The following C2CD5 variants were observed in gnomAD, a reference collection of about 807,000 sequenced individuals.
C2CD5 encodes C2 calcium dependent domain containing 5, also known as C2 domain-containing protein 5.
C2CD5 carries 109 observed loss-of-function variants against 130.3 expected under a neutral mutation model. The ratio of observed to expected loss-of-function variants is 0.84; its 90% CI spans 0.72 to 0.98. The LOEUF is 0.98. C2CD5 is among the 50% of genes least tolerant of loss of function. The pLI is 0.00. For missense variants in C2CD5, 996 were observed against 1,261.8 expected (o/e 0.79, Z 3.19); for synonymous variants, 454 against 429.2 (o/e 1.06, Z -0.71).
intron 22 of C2CD5, among the ~76,000 whole-genome samples, chr12:22,468,054 C>T (rs771261456): frequency 3.4e-5 from 5 of 147,006 alleles, no homozygotes; most frequent in South Asian, 2.1e-4. Context: ...AAACCTTTGT[C>T]GATTAGGTTT....
intron 16 of C2CD5, among the ~76,000 whole-genome samples, chr12:22,473,617 C>T (rs1172100376): frequency 6.6e-6 from 1 of 152,090 alleles, no homozygotes; most frequent in Non-Finnish European, 1.5e-5. Flanking sequence ...GCCAGGATCC[C>T]AAGATCAGAC....
At chr12:22,473,945 T>C (rs990443305) in intron 16 of C2CD5, among the ~76,000 whole-genome samples, 2 of 152,098 alleles carry the variant, frequency 1.3e-5, no homozygotes, top group African/African-American at 4.8e-5. Context: ...ACCATATAAG[T>C]TGAGTTTTCT....
At chr12:22,450,084 G>A (rs1031801125) in intron 26 of C2CD5, among the ~76,000 whole-genome samples, 193 bp from the exon 27 acceptor site, 1 of 152,104 alleles carries the variant, frequency 6.6e-6, no homozygotes, top group Admixed American at 6.6e-5. Flanking sequence ...AGGAGCTCCT[G>A]TGAACATATG....
intron 12 of C2CD5, among the ~76,000 whole-genome samples, chr12:22,489,608 G>C (rs1946075272): frequency 6.6e-6 from 1 of 152,068 alleles, no homozygotes; most frequent in African/African-American, 2.4e-5. Flanking sequence ...TAAGGGACTT[G>C]AGCATCTGCA....
rs1047587662 is a variant in C2CD5 at position 22,485,360 on chromosome 12, A to G, written c.1359-472T>C. ...TGGGGATGGCTAATGGGTACAAAAA[A>G]ATAGAAAGAATGAATAAGACCTAGC... On this transcript the variant is annotated intron_variant, in intron 12 of 26. Coordinates refer to ENST00000446597, the MANE Select transcript of C2CD5 (RefSeq NM_001286176.2). Among the ~76,000 whole-genome samples, 13 of 152,030 alleles carry G rather than the reference A, an allele frequency of 8.6e-5. No individual in the cohort carries two copies. The East Asian group carries it at 1.2e-3, about 14-fold the overall frequency.
In C2CD5 at chr12:22,513,344, GC is replaced by G; in HGVS notation, c.987del (p.Phe331LeufsTer5). 1 of 1,612,206 alleles carries G rather than the reference GC, an allele frequency of 6.2e-7. No individual in the cohort carries two copies. The highest frequency in any genetic ancestry group is 8.5e-7 in the Non-Finnish European group (1 of 1,178,554). On this transcript the variant is annotated frameshift_variant, in exon 9 of 27. Transcript: ENST00000446597. LOFTEE classifies it high-confidence loss of function. ...TGTTGTCTTAAAAGAGCTTTAAAGG[GC>G]CCCCCTTCTTTTCCAGCACTACCAC... is the stretch of plus-strand genomic sequence containing the variant. ...MGSGSAGKEG[G>X]PFKALLRQQT...
intron 7 of C2CD5, among the ~76,000 whole-genome samples, chr12:22,519,517 G>A (rs1408491926): frequency 6.6e-6 from 1 of 151,866 alleles, no homozygotes; most frequent in Non-Finnish European, 1.5e-5. Context: ...AATTAAATGA[G>A]AACAAGACTA....
intron 10 of C2CD5, among the ~76,000 whole-genome samples, chr12:22,497,097 G>C (rs1012578106): frequency 3.9e-5 from 6 of 151,968 alleles, no homozygotes; most frequent in African/African-American, 1.4e-4. Flanking sequence ...TCATACACTT[G>C]GCAATTAAGA....
At chr12:22,512,722 GA>G in intron 9 of C2CD5, 1 of 1,374,292 alleles carries the variant, frequency 7.3e-7, no homozygotes, top group Non-Finnish European at 9.7e-7. Flanking sequence ...GAGAGAGAGA[GA>G]AATCATCCAA....
In C2CD5 at chr12:22,493,340, G is replaced by A. The variant is rs1488884124; in HGVS notation, c.1148-3C>T. 1 of 1,563,698 alleles carries A rather than the reference G, an allele frequency of 6.4e-7. No individual in the cohort carries two copies. The highest frequency in any genetic ancestry group is 1.7e-5 in the Admixed American group (1 of 59,602). ...TGCATCTCGAGTTTCTGGTTCATCT[G>A]AAAAATAAATTTTAAATCAGTTTAT... On this transcript the variant is annotated splice_polypyrimidine_tract_variant and splice_region_variant and intron_variant, in intron 10 of 26. Transcript: ENST00000446597.
At chr12:22,471,254 C>A in intron 20 of C2CD5, 145 bp downstream of exon 20, 1 of 602,128 alleles carries the variant, frequency 1.7e-6, no homozygotes, top group South Asian at 2.3e-5. Flanking sequence ...ACACACATGG[C>A]CTAATGCATA....
chr12:22,539,992 CAAAAAAAA>C (rs59902224), intron 2 of C2CD5, among the ~76,000 whole-genome samples: 13 of 90,780 alleles, frequency 1.4e-4, no homozygotes, highest in Middle Eastern at 6.3e-3. Flanking sequence ...AGCTCCGTCT[CAAAAAAAA>C]AAAAAAAAAA....
chr12:22,515,130 T>C (rs949266730), intron 8 of C2CD5: 6 of 985,074 alleles, frequency 6.1e-6, no homozygotes, highest in Non-Finnish European at 7.2e-6. Context: ...AGGTAAATCC[T>C]AGGTCCCTGT....
intron 10 of C2CD5, among the ~76,000 whole-genome samples, chr12:22,495,616 C>A (rs1359013568): frequency 6.7e-6 from 1 of 150,314 alleles, no homozygotes; most frequent in African/African-American, 2.4e-5. Flanking sequence ...ATTCTTCTGA[C>A]AAATTCACAA....
At chr12:22,471,331 G>T in intron 20 of C2CD5, 68 bp downstream of exon 20, 1 of 874,070 alleles carries the variant, frequency 1.1e-6, no homozygotes, top group Non-Finnish European at 1.8e-6. Context: ...GCAAAATTAT[G>T]ATAAACAGAT....
chr12:22,458,226 T>A (rs1287218757), intron 24 of C2CD5, among the ~76,000 whole-genome samples: 1 of 152,188 alleles, frequency 6.6e-6, no homozygotes, highest in Non-Finnish European at 1.5e-5. Context: ...TAGAATGATA[T>A]AATATCTATT....
At chr12:22,458,861 T>C in intron 23 of C2CD5, 2 of 237,756 alleles carry the variant, frequency 8.4e-6, no homozygotes, top group East Asian at 1.6e-4. Context: ...AACATAAATA[T>C]CAATGAAAGG....
At chr12:22,502,168 T>C (rs1215473394) in intron 10 of C2CD5, among the ~76,000 whole-genome samples, 1 of 152,104 alleles carries the variant, frequency 6.6e-6, no homozygotes, top group East Asian at 1.9e-4. Context: ...TTAAAAATTA[T>C]ATTCACATGT....
At position 22,524,455 on chromosome 12, in the gene C2CD5, T is replaced by G. The variant is rs950747240; in HGVS notation, c.601+17A>C. ...AGTACTAAATCAGTCAGTAATAAAG[T>G]TATTTTTTTTAAATACCTGACATTA... is the stretch of plus-strand genomic sequence containing the variant. On this transcript the variant is annotated intron_variant, in intron 6 of 26. Coordinates refer to ENST00000446597, the MANE Select transcript of C2CD5 (RefSeq NM_001286176.2). The G allele has an allele frequency of 1.2e-6, 2 of 1,609,444 alleles. No homozygotes were observed. Among genetic ancestry groups the G allele is most frequent in the Non-Finnish European group, 1.7e-6 (2 of 1,177,044 alleles).
Sources: allele counts gnomAD v4.1 joint callset (sites outside exome capture counted in the v4.1 genomes callset), GRCh38; gene constraint gnomAD v4.1.1; transcripts MANE v1.5; gene names NCBI Gene and HGNC (gene_info 2026-07-23, HGNC 2026-07-21).